The following TNFAIP1 variants were observed in gnomAD, a reference collection of about 807,000 sequenced individuals.
TNFAIP1 encodes TNF alpha induced protein 1.
In TNFAIP1, 20 loss-of-function variants were observed where a neutral mutation model predicts 32.6. That is an observed-to-expected ratio of 0.61 (90% confidence interval 0.43 to 0.89). The LOEUF (loss-of-function observed/expected upper bound fraction) is 0.89, where lower values mean the gene tolerates loss of function less well. Ranked by LOEUF, TNFAIP1 falls within the 40% of genes least tolerant of loss-of-function variation. The pLI is 0.00. For synonymous variants in TNFAIP1, 166 were observed against 166.8 expected (o/e 1.00, Z 0.04); for missense variants, 319 against 425.1 (o/e 0.75, Z 2.20).
intron 3 of TNFAIP1, 94 bp from the exon 4 acceptor site, chr17:28,341,143 C>T (rs1555578090): frequency 3.6e-5 from 46 of 1,288,108 alleles, no homozygotes; most frequent in East Asian, 2.5e-4. Flanking sequence ...CACCAAGCAG[C>T]GGGTGGCCAT....
Position 28,346,448 on chromosome 17 carries a change from G to T in TNFAIP1, c.*1848G>T, listed in dbSNP as rs190822575. The T allele has an allele frequency of 6.6e-6, 1 of 152,276 alleles. No homozygotes were observed. Among genetic ancestry groups the T allele is most frequent in the African/African-American group, 2.4e-5 (1 of 41,538 alleles). 9.4% of individuals were successfully genotyped at this position (152,276 alleles called of 1,614,324 possible). On this transcript the variant is annotated 3_prime_UTR_variant, in exon 7 of 7. Transcript: ENST00000226225. Reference sequence around the variant, plus strand: ...ATTCCCAGCTCCCCACTGAGGTGTTGTGATGCTTGCCTTTTGACCTCCCCA... The same window carrying T: ...ATTCCCAGCTCCCCACTGAGGTGTTTTGATGCTTGCCTTTTGACCTCCCCA...
intron 3 of TNFAIP1, 102 bp from the exon 4 acceptor site, chr17:28,341,135 C>T: frequency 9.8e-6 from 12 of 1,228,602 alleles, no homozygotes; most frequent in Non-Finnish European, 1.4e-5. Flanking sequence ...CACTTCCTCA[C>T]CAAGCAGCGG....
rs1907528275 is a variant in TNFAIP1, at chr17:28,345,636, TGAG to T, written c.*1039_*1041del. The stretch of plus-strand genomic sequence containing the variant: ...GGTGTTGGCTGGCATGCCCATCAGC[TGAG>T]GACAGCAAACTCCCAGCAGCCCCTA... On this transcript the variant is annotated 3_prime_UTR_variant, in exon 7 of 7. Coordinates refer to ENST00000226225, the MANE Select transcript of TNFAIP1 (RefSeq NM_021137.5). 1.3e-5 allele frequency: 2 copies of T among 152,308 alleles called. No individual in the cohort carries two copies. Among genetic ancestry groups the T allele is most frequent in the South Asian group, 4.1e-4 (2 of 4,838 alleles). The allele number at this position is 152,308 out of a possible 1,614,324, so 9.4% of individuals were successfully genotyped here. A position where few individuals can be genotyped will look rare whatever the true frequency, so the allele number is the denominator to read the frequency against.
intron 1 of TNFAIP1, among the ~76,000 whole-genome samples, chr17:28,337,578 G>A (rs1326835858): frequency 1.3e-5 from 2 of 152,006 alleles, no homozygotes; most frequent in African/African-American, 4.8e-5. Context: ...ATGTTGCCCA[G>A]ACTGGTCTTG....
chr17:28,341,558 A>G lies in TNFAIP1; in HGVS notation c.518+102A>G, dbSNP rs2142384882. The G allele has an allele frequency of 3.0e-6, 4 of 1,346,484 alleles. No homozygotes were observed. In the South Asian group the frequency reaches 4.9e-5, roughly 17 times the overall value. The allele number at this position is 1,346,484 out of a possible 1,614,324, so 83.4% of individuals were successfully genotyped here. The stretch of plus-strand genomic sequence containing the variant: ...GCGTGGGTCTGGGCCTGGGTCTTGG[A>G]ACTGGCTGTGCCAAGTTGGGGAAAA... On this transcript the variant is annotated intron_variant, in intron 5 of 6. Coordinates refer to ENST00000226225, the MANE Select transcript of TNFAIP1 (RefSeq NM_021137.5).
chr17:28,339,263 A>G (rs550880204), intron 1 of TNFAIP1, 145 bp from the exon 2 acceptor site: 161 of 328,654 alleles, frequency 4.9e-4, no homozygotes, highest in African/African-American at 3.3e-3. Context: ...AAAAAAAGAA[A>G]GCAAAATGGC....
rs920803914 is a variant in TNFAIP1 at position 28,340,654 on chromosome 17, C to T, written c.375+176C>T. Among the ~76,000 whole-genome samples, 4 of 152,156 alleles carry T rather than the reference C, an allele frequency of 2.6e-5. No individual in the cohort carries two copies. In the East Asian group the frequency reaches 5.8e-4, roughly 22 times the overall value. ...CACCAACCTGGCAGCCAGGTGTTCA[C>T]ACTTGGCAGCGTGAGTAGGCCCTGC... On this transcript the variant is annotated intron_variant, in intron 3 of 6. Transcript: ENST00000226225. This position sits in a 1 kb window ranked among gnomAD's most constrained non-coding sequence, Gnocchi z 4.1.
chr17:28,343,578 G>A (rs192261784), intron 6 of TNFAIP1, among the ~76,000 whole-genome samples: 4 of 152,086 alleles, frequency 2.6e-5, no homozygotes, highest in Non-Finnish European at 2.9e-5. Flanking sequence ...TGACCCTATC[G>A]GTGGTGAAAG....
rs1907316952 is a variant in TNFAIP1 at position 28,340,255 on chromosome 17, G to A, written c.206-54G>A. 1 of 1,588,762 alleles carries A rather than the reference G, an allele frequency of 6.3e-7. No individual in the cohort carries two copies. The highest frequency in any genetic ancestry group is 1.1e-5 in the South Asian group (1 of 89,088). On this transcript the variant is annotated intron_variant, in intron 2 of 6. Transcript: ENST00000226225. This position sits in a 1 kb window ranked among gnomAD's most constrained non-coding sequence, Gnocchi z 4.1. ...CCAGCTTGTCAGGTGGCCTTTGCCT[G>A]CCTCGGAGGTACCTGGCGGCAAACT...
chr17:28,339,089 T>C (rs1475528142), intron 1 of TNFAIP1, among the ~76,000 whole-genome samples: 36 of 140,106 alleles, frequency 2.6e-4, no homozygotes, highest in African/African-American at 9.6e-4. Context: ...AAAAAAAAAA[T>C]TAGCTGGGTG....
intron 2 of TNFAIP1, among the ~76,000 whole-genome samples, chr17:28,340,000 G>A (rs782008003): frequency 4.6e-5 from 7 of 152,210 alleles, no homozygotes; most frequent in Admixed American, 6.5e-5. Flanking sequence ...GCAGAAGGCC[G>A]GCAGTGGCTG....
At position 28,346,953 on chromosome 17, in the gene TNFAIP1, C is replaced by G. The variant is rs1183557488; in HGVS notation, c.*2353C>G. On this transcript the variant is annotated 3_prime_UTR_variant, in exon 7 of 7. Coordinates refer to ENST00000226225, the MANE Select transcript of TNFAIP1 (RefSeq NM_021137.5). ...ATCACATAACTGTAATATTTGGTTG[C>G]TCAGCATAAGTGATGGAAGCAAACA... is the stretch of plus-strand genomic sequence containing the variant. 3 of 152,214 alleles carry G rather than the reference C, an allele frequency of 2.0e-5. No homozygotes were observed. Among genetic ancestry groups the G allele is most frequent in the African/African-American group, 7.2e-5 (3 of 41,452 alleles). The allele number at this position is 152,214 out of a possible 1,614,324, so 9.4% of individuals were successfully genotyped here.
rs377434381 is a variant in TNFAIP1 at position 28,340,345 on chromosome 17, G to C, written c.242G>C (p.Gly81Ala). 6.2e-7 allele frequency: 1 copy of C among 1,613,906 alleles called. No individual in the cohort carries two copies. The highest frequency in any genetic ancestry group is 1.1e-5 in the South Asian group (1 of 91,068). ...ILIDRCGKHF[G>A]TILNYLRDDT... ...ATAGACCGTTGTGGAAAGCACTTTG[G>C]CACCATTTTGAATTACCTCCGAGAT... is the stretch of plus-strand genomic sequence containing the variant. The change falls in exon 3 of 7, where the codon GGC becomes GCC. Residue 81 changes from glycine to alanine, a missense_variant. Gly to Ala is a moderately conservative substitution (Grantham distance 60, BLOSUM62 0). Coordinates refer to ENST00000226225, the MANE Select transcript of TNFAIP1 (RefSeq NM_021137.5). This position sits in a 1 kb window ranked among gnomAD's most constrained non-coding sequence, Gnocchi z 4.1.
chr17:28,344,039 G>C (rs1597795646), intron 6 of TNFAIP1, among the ~76,000 whole-genome samples: 1 of 152,172 alleles, frequency 6.6e-6, no homozygotes, highest in Non-Finnish European at 1.5e-5. Flanking sequence ...CTGCAGCCCA[G>C]AAGGGTTCAG....
intron 5 of TNFAIP1, 76 bp downstream of exon 5, chr17:28,341,532 G>A (rs548727631): frequency 4.7e-5 from 73 of 1,552,522 alleles, no homozygotes; most frequent in East Asian, 4.5e-4. Flanking sequence ...CAGCACGGTC[G>A]GCGTGGGTCT....
Position 28,344,678 on chromosome 17 carries a change from T to A in TNFAIP1, c.*78T>A. 3 of 1,411,864 alleles carry A rather than the reference T, an allele frequency of 2.1e-6. No homozygotes were observed. The highest frequency in any genetic ancestry group is 3.0e-6 in the Non-Finnish European group (3 of 1,016,088). The allele number at this position is 1,411,864 out of a possible 1,614,324, so 87.5% of individuals were successfully genotyped here. A position where few individuals can be genotyped will look rare whatever the true frequency, so the allele number is the denominator to read the frequency against. On this transcript the variant is annotated 3_prime_UTR_variant, in exon 7 of 7. Coordinates refer to ENST00000226225, the MANE Select transcript of TNFAIP1 (RefSeq NM_021137.5). Reference sequence around the variant, plus strand: ...ACCCGCCCCATTGGCCACCCCATGCTGCTGCTGCCTGGGTCTCTGCTCTAG... The same window carrying A: ...ACCCGCCCCATTGGCCACCCCATGCAGCTGCTGCCTGGGTCTCTGCTCTAG...
Position 28,345,831 on chromosome 17 carries a change from G to A in TNFAIP1, c.*1231G>A, listed in dbSNP as rs1907536858. On this transcript the variant is annotated 3_prime_UTR_variant, in exon 7 of 7. Coordinates refer to ENST00000226225, the MANE Select transcript of TNFAIP1 (RefSeq NM_021137.5). ...CCTTCACTCCTTGTTGGGTAACTCA[G>A]CCATGGAGATGCCAAGCACTAGCCA... 6.6e-6 allele frequency: 1 copy of A among 152,236 alleles called. No individual in the cohort carries two copies. Among genetic ancestry groups the A allele is most frequent in the Non-Finnish European group, 1.5e-5 (1 of 68,038 alleles). The allele number at this position is 152,236 out of a possible 1,614,324, so 9.4% of individuals were successfully genotyped here.
At position 28,340,628 on chromosome 17, in the gene TNFAIP1, C is replaced by A; in HGVS notation, c.375+150C>A. ...GAGACAAGTGAGATGCCACCCAGGC[C>A]CACCAACCTGGCAGCCAGGTGTTCA... On this transcript the variant is annotated intron_variant, in intron 3 of 6. Transcript: ENST00000226225. The surrounding 1 kb of genome is among the most constrained non-coding windows in gnomAD (Gnocchi z 4.1). 1.2e-6 allele frequency: 1 copy of A among 853,086 alleles called. No homozygotes were observed. The highest frequency in any genetic ancestry group is 1.8e-6 in the Non-Finnish European group (1 of 567,286). 52.8% of individuals were successfully genotyped at this position (853,086 alleles called of 1,614,324 possible). A position where few individuals can be genotyped will look rare whatever the true frequency, so the allele number is the denominator to read the frequency against.
intron 1 of TNFAIP1, among the ~76,000 whole-genome samples, chr17:28,336,823 C>G (rs2142380290): frequency 6.6e-6 from 1 of 152,330 alleles, no homozygotes; most frequent in South Asian, 2.1e-4. Context: ...CCCACGCTGG[C>G]TGTCCACTTC....
Sources: allele counts gnomAD v4.1 joint callset (sites outside exome capture counted in the v4.1 genomes callset), GRCh38; gene constraint gnomAD v4.1.1; non-coding constraint Gnocchi (gnomAD v3.1); transcripts MANE v1.5; gene names NCBI Gene and HGNC (gene_info 2026-07-23, HGNC 2026-07-21).